Variants in SEH1L observed in about 807,000 individuals in gnomAD.
The protein encoded by SEH1L is nucleoporin SEH1.
In SEH1L, 18 loss-of-function variants were observed where a neutral mutation model predicts 49.5. The observed-to-expected ratio is 0.36, with a 90% CI of 0.25 to 0.54. The LOEUF is 0.54. Among genes scored for constraint, SEH1L ranks in the 20% least tolerant of loss-of-function variants. The probability of loss-of-function intolerance (pLI) is 0.87; values close to 1 mark genes in which losing one functional copy is unlikely to be tolerated. For missense variants in SEH1L, 404 were observed against 528.8 expected, an observed-to-expected ratio of 0.76 and a Z score of 2.31; for synonymous variants, 169 against 178.1, an observed-to-expected ratio of 0.95 and a Z score of 0.41.
At chr18:12,958,897 CTA>C (rs1357215146) in intron 3 of SEH1L, among the ~76,000 whole-genome samples, 1 of 152,106 alleles carries the variant, frequency 6.6e-6, no homozygotes, top group African/African-American at 2.4e-5. Context: ...TATGGTAGTT[CTA>C]TGTTTCACGT....
rs117231205 is a variant in SEH1L, at chr18:12,970,190, G to A, written c.522-963G>A. Among the ~76,000 whole-genome samples, 953 of 152,236 alleles carry A rather than the reference G, an allele frequency of 6.3e-3. 4 individuals are homozygous for A. Among genetic ancestry groups the A allele is most frequent in the Middle Eastern group, 0.01 (3 of 294 alleles). ...TAAGCAAGGGTGCCAGGTTTACAGA[G>A]ATATTAATTAATCTGGATGAGGGAG... On this transcript the variant is annotated intron_variant, in intron 4 of 8. Transcript: ENST00000399892.
In SEH1L at chr18:12,984,100, A is replaced by G. The variant is rs371459372; in HGVS notation, c.980A>G (p.Asn327Ser). Residue 327 changes from asparagine (N) to serine (S), a missense_variant, in exon 8 of 9, where the codon AAT (asparagine) becomes AGT (serine). Around this residue, in one of 3 missense-constraint regions of SEH1L, gnomAD observed 342 missense variants for 430.8 expected, o/e 0.79. Transcript: ENST00000399892. The stretch of plus-strand genomic sequence containing the variant: ...TTGAAAGGTAATGGGAGCCCAGTCA[A>G]TGGGAGTTCTCAGCAGGGAACCTCA... ...GILKGNGSPV[N>S]GSSQQGTSNP... is the part of the protein sequence containing the mutation. The G allele has an allele frequency of 2.0e-5, 32 of 1,613,724 alleles. No homozygotes were observed. The highest frequency in any genetic ancestry group is 2.2e-5 in the East Asian group (1 of 44,884).
At chr18:12,956,454 C>CA (rs10541594) in intron 3 of SEH1L, among the ~76,000 whole-genome samples, 95 of 138,446 alleles carry the variant, frequency 6.9e-4, no homozygotes, top group Admixed American at 2.0e-3. Flanking sequence ...TCTGGGGAAT[C>CA]AAAAAAAAAA....
At chr18:12,985,947 TA>T (rs1481164004) in intron 8 of SEH1L, 5 of 906,152 alleles carry the variant, frequency 5.5e-6, no homozygotes, top group African/African-American at 1.8e-5. Context: ...ACTTTTTTTA[TA>T]AGTTTTTAAT....
At chr18:12,948,542 A>G (rs1274507041) in intron 1 of SEH1L, 10 of 235,614 alleles carry the variant, frequency 4.2e-5, no homozygotes, top group Non-Finnish European at 1.6e-5. Context: ...GGGGCATCCC[A>G]CCGTCAGCCT....
chr18:12,952,985 T>G (rs1306350589), intron 2 of SEH1L, among the ~76,000 whole-genome samples: 2 of 152,120 alleles, frequency 1.3e-5, no homozygotes, highest in African/African-American at 4.8e-5. Flanking sequence ...TTTCACTATG[T>G]TGACCAGGCT....
chr18:12,981,024 C>T (rs921954917), intron 6 of SEH1L, among the ~76,000 whole-genome samples: 7 of 148,560 alleles, frequency 4.7e-5, no homozygotes, highest in Middle Eastern at 3.8e-3. Flanking sequence ...ACTTCTCAGA[C>T]GGTGTGGCTG....
intron 7 of SEH1L, chr18:12,982,931 A>T: frequency 3.4e-6 from 1 of 292,638 alleles, no homozygotes; most frequent in Non-Finnish European, 6.4e-6. Flanking sequence ...TCTCCAATAA[A>T]AAGATACCAG....
intron 3 of SEH1L, among the ~76,000 whole-genome samples, chr18:12,958,392 A>C (rs1568213118): frequency 6.6e-6 from 1 of 152,052 alleles, no homozygotes; most frequent in Non-Finnish European, 1.5e-5. Context: ...GGCCCATTTT[A>C]ACTATTTGTA....
chr18:12,967,582 T>G (rs1484132870), intron 4 of SEH1L, among the ~76,000 whole-genome samples: 1 of 152,164 alleles, frequency 6.6e-6, no homozygotes, highest in Non-Finnish European at 1.5e-5. Flanking sequence ...GCAACTGGAT[T>G]TTTTTGCAGA....
rs897174972 is a variant in SEH1L at position 12,948,384 on chromosome 18, T to G, written c.111+152T>G. The G allele has an allele frequency of 4.7e-5, 26 of 554,328 alleles. 2 individuals carry two copies. The South Asian group carries it at 5.9e-4, about 13-fold the overall frequency. 34.3% of individuals were successfully genotyped at this position (554,328 alleles called of 1,614,324 possible). On this transcript the variant is annotated intron_variant, in intron 1 of 8. Coordinates refer to ENST00000399892, the MANE Select transcript of SEH1L (RefSeq NM_001013437.2). ...CCCTGGCTGGACTGAGCGGAAGCCCTCCCCGCCCGCGTATTGTGGGGTCAC... is the reference window on the plus strand; with the variant it reads ...CCCTGGCTGGACTGAGCGGAAGCCCGCCCCGCCCGCGTATTGTGGGGTCAC...
chr18:12,979,014 T>TA, intron 6 of SEH1L, 122 bp downstream of exon 6: 1 of 923,818 alleles, frequency 1.1e-6, no homozygotes, highest in African/African-American at 1.7e-5. Context: ...AAGTTTTACT[T>TA]AAAAATGTAA....
intron 4 of SEH1L, among the ~76,000 whole-genome samples, chr18:12,970,242 T>C (rs62095797): frequency 0.051 from 7,818 of 152,278 alleles, 301 homozygotes; most frequent in East Asian, 0.17. Flanking sequence ...TAATTAGGCA[T>C]AGAAATTAAA....
At chr18:12,968,707 A>G (rs1297249379) in intron 4 of SEH1L, among the ~76,000 whole-genome samples, 2 of 152,110 alleles carry the variant, frequency 1.3e-5, no homozygotes, top group African/African-American at 2.4e-5. Context: ...GTACGATAAT[A>G]TTCTTTCATC....
Position 12,949,443 on chromosome 18 carries a change from T to TG in SEH1L, c.111+1211_111+1212insG, listed in dbSNP as rs2030360245. On this transcript the variant is annotated intron_variant, in intron 1 of 8. Transcript: ENST00000399892. ...TTGTTGTAATAAACTACGTTAACCG[T>TG]TTTTTTTTTTTTTTTTTTTTTTTTT... Among the ~76,000 whole-genome samples, 8 of 40,194 alleles carry TG rather than the reference T, an allele frequency of 2.0e-4. No individual in the cohort carries two copies. In the South Asian group the frequency reaches 4.6e-3, roughly 23 times the overall value. The allele number at this position is 40,194 out of a possible 152,430, so 26.4% of individuals were successfully genotyped here.
Position 12,949,451 on chromosome 18 carries a change from T to TTTTTTTG in SEH1L, c.111+1225_111+1226insGTTTTTT, listed in dbSNP as rs2030365219. Among the ~76,000 whole-genome samples the TTTTTTTG allele has an allele frequency of 6.9e-5, 8 of 116,524 alleles. No individual in the cohort carries two copies. In the South Asian group the frequency reaches 2.8e-3, roughly 40 times the overall value. The allele number at this position is 116,524 out of a possible 152,430, so 76.4% of individuals were successfully genotyped here. A position where few individuals can be genotyped will look rare whatever the true frequency, so the allele number is the denominator to read the frequency against. ...ATAAACTACGTTAACCGTTTTTTTT[T>TTTTTTTG]TTTTTTTTTTTTTTTTTTTGAGACG... On this transcript the variant is annotated intron_variant, in intron 1 of 8. Transcript: ENST00000399892.
chr18:12,950,581 TTTCA>T (rs2030460892), intron 1 of SEH1L, among the ~76,000 whole-genome samples: 1 of 152,218 alleles, frequency 6.6e-6, no homozygotes, highest in Admixed American at 6.5e-5. Context: ...TACTGAAATT[TTTCA>T]TTAGTTTAGC....
rs375393182 is a variant in SEH1L at position 12,954,886 on chromosome 18, C to T, written c.163-577C>T. On this transcript the variant is annotated intron_variant, in intron 2 of 8. Coordinates refer to ENST00000399892, the MANE Select transcript of SEH1L (RefSeq NM_001013437.2). ...GTATATTCATTTAATTGGCAACCAC[C>T]ACCACTTCTAATTTCAGAACATTGT... Among the ~76,000 whole-genome samples, 22 of 152,298 alleles carry T rather than the reference C, an allele frequency of 1.4e-4. No homozygotes were observed. The East Asian group carries it at 3.7e-3, about 25-fold the overall frequency.
At chr18:12,971,375 A>G (rs1217961077) in intron 5 of SEH1L, 124 bp downstream of exon 5, 5 of 674,016 alleles carry the variant, frequency 7.4e-6, no homozygotes, top group Non-Finnish European at 1.0e-5. Flanking sequence ...ACTATAATAT[A>G]CCAAGTTCTG....
Sources: gnomAD v4.1 joint callset for allele counts (sites outside exome capture counted in the v4.1 genomes callset) on GRCh38, gnomAD v4.1.1 for gene constraint, gnomAD v4.1.1 regional missense constraint, MANE v1.5 for transcripts, NCBI Gene and HGNC (gene_info 2026-07-23, HGNC 2026-07-21) for gene names.